HNRNPLL: variants seen among roughly 807,000 people sequenced by gnomAD.
HNRNPLL encodes the protein heterogeneous nuclear ribonucleoprotein L-like.
A neutral mutation model predicts 67.1 loss-of-function variants in HNRNPLL; 25 were observed. That is an observed-to-expected ratio of 0.37 (90% CI 0.27 to 0.52). The LOEUF is 0.52. Among genes scored for constraint, HNRNPLL ranks in the 20% least tolerant of loss-of-function variants. HNRNPLL has a pLI of 0.90. For missense variants in HNRNPLL, 542 were observed against 673.9 expected (o/e 0.80, Z 2.17); for synonymous variants, 267 against 241.7 (o/e 1.10, Z -0.97).
At chr2:38,594,410 C>T (rs1667091627) in intron 1 of HNRNPLL, among the ~76,000 whole-genome samples, 1 of 151,812 alleles carries the variant, frequency 6.6e-6, no homozygotes, top group African/African-American at 2.4e-5. Context: ...GATATTTAGG[C>T]ATGAAATGTC....
At chr2:38,589,380 T>C (rs1353298905) in intron 2 of HNRNPLL, among the ~76,000 whole-genome samples, 2 of 152,210 alleles carry the variant, frequency 1.3e-5, no homozygotes, top group Admixed American at 6.5e-5. Flanking sequence ...AGTTTCCAAA[T>C]TGTAACATTT....
intron 12 of HNRNPLL, among the ~76,000 whole-genome samples, 154 bp from the exon 13 acceptor site, chr2:38,564,391 C>T (rs112821520): frequency 3.1e-4 from 47 of 151,802 alleles, no homozygotes; most frequent in African/African-American, 1.0e-3. Flanking sequence ...TGGCCAGATG[C>T]GGTGGCTCAC....
intron 1 of HNRNPLL, among the ~76,000 whole-genome samples, chr2:38,592,089 T>C (rs1359570087): frequency 6.6e-6 from 1 of 152,216 alleles, no homozygotes; most frequent in African/African-American, 2.4e-5. Flanking sequence ...ATTCACAAGT[T>C]AGCAAAAGGA....
rs372790828 is a variant in HNRNPLL at position 38,562,163 on chromosome 2, G to C, written c.*2019C>G. ...ATGTTGCCAAGGCTAAGGAAAGAGA[G>C]AGTATTCACAAAGCAAACTTCATTA... On this transcript the variant is annotated 3_prime_UTR_variant, in exon 13 of 13. Coordinates refer to ENST00000449105, the MANE Select transcript of HNRNPLL (RefSeq NM_138394.4). The C allele has an allele frequency of 1.1e-4, 16 of 152,310 alleles. No homozygotes were observed. In the East Asian group the frequency reaches 2.3e-3, roughly 22 times the overall value. The allele number at this position is 152,310 out of a possible 1,614,324, so 9.4% of individuals were successfully genotyped here. A position where few individuals can be genotyped will look rare whatever the true frequency, so the allele number is the denominator to read the frequency against.
chr2:38,592,655 T>A (rs913159973), intron 1 of HNRNPLL, among the ~76,000 whole-genome samples: 1 of 152,242 alleles, frequency 6.6e-6, no homozygotes, highest in Non-Finnish European at 1.5e-5. Flanking sequence ...TTAAACGTAG[T>A]ATCTGTACGA....
chr2:38,578,956 G>A (rs114034076), intron 6 of HNRNPLL, among the ~76,000 whole-genome samples: 206 of 152,036 alleles, frequency 1.4e-3, no homozygotes, highest in Non-Finnish European at 2.5e-3. Flanking sequence ...GGCTTCTAAC[G>A]TCTCTCATCA....
chr2:38,594,465 A>T (rs1049686293), intron 1 of HNRNPLL, among the ~76,000 whole-genome samples: 1 of 152,188 alleles, frequency 6.6e-6, no homozygotes, highest in Non-Finnish European at 1.5e-5. Context: ...GGAAAATAGT[A>T]TAGGGGAAAA....
Position 38,577,534 on chromosome 2 carries a change from T to A in HNRNPLL, c.803-2A>T. 6.3e-7 allele frequency: 1 copy of A among 1,599,944 alleles called. No individual in the cohort carries two copies. Among genetic ancestry groups the A allele is most frequent in the Non-Finnish European group, 8.6e-7 (1 of 1,167,486 alleles). On this transcript the variant is annotated splice_acceptor_variant, in intron 6 of 12. Coordinates refer to ENST00000449105, the MANE Select transcript of HNRNPLL (RefSeq NM_138394.4). LOFTEE classifies it high-confidence loss of function. Reference sequence around the variant, plus strand: ...GTCTCTGGCGACCCTTTCCTCTATCTGACACAAAAGTAGAAACATGGTTTT... The same window carrying A: ...GTCTCTGGCGACCCTTTCCTCTATCAGACACAAAAGTAGAAACATGGTTTT...
At position 38,602,819 on chromosome 2, in the gene HNRNPLL, CG is replaced by C. The variant is rs1667508915; in HGVS notation, c.-194del. The C allele has an allele frequency of 8.4e-6, 13 of 1,545,720 alleles. No homozygotes were observed. Among genetic ancestry groups the C allele is most frequent in the Non-Finnish European group, 1.0e-5 (12 of 1,145,014 alleles). ...CGCGGACGGACTGAGGGGGGCGCCC[CG>C]GGAGGAAGCTCTGGAGCGGCCGCTC... is the stretch of plus-strand genomic sequence containing the variant. On this transcript the variant is annotated 5_prime_UTR_variant, in exon 1 of 13. Coordinates refer to ENST00000449105, the MANE Select transcript of HNRNPLL (RefSeq NM_138394.4).
intron 2 of HNRNPLL, among the ~76,000 whole-genome samples, chr2:38,590,572 GTC>G (rs1204565224): frequency 6.6e-6 from 1 of 152,204 alleles, no homozygotes; most frequent in Non-Finnish European, 1.5e-5. Context: ...ATTTTTAAGT[GTC>G]TATTTTTGGC....
intron 6 of HNRNPLL, among the ~76,000 whole-genome samples, chr2:38,578,224 G>T (rs1666374061): frequency 6.6e-6 from 1 of 151,994 alleles, no homozygotes; most frequent in African/African-American, 2.4e-5. Context: ...TACATTATTG[G>T]ATGAGAATAC....
intron 1 of HNRNPLL, among the ~76,000 whole-genome samples, chr2:38,595,554 G>C (rs1446763957): frequency 6.6e-6 from 1 of 151,940 alleles, no homozygotes; most frequent in Non-Finnish European, 1.5e-5. Flanking sequence ...TTAAAAGCTG[G>C]ACAATGTGGG....
chr2:38,572,996 T>C (rs1323070329), intron 8 of HNRNPLL, among the ~76,000 whole-genome samples: 1 of 152,072 alleles, frequency 6.6e-6, no homozygotes, highest in Admixed American at 6.6e-5. Flanking sequence ...TATTGGTTAT[T>C]TTAAAAATAT....
chr2:38,562,068 T>G lies in HNRNPLL; in HGVS notation c.*2114A>C, dbSNP rs1294497290. 6.6e-6 allele frequency: 1 copy of G among 152,192 alleles called. No homozygotes were observed. Among genetic ancestry groups the G allele is most frequent in the South Asian group, 2.1e-4 (1 of 4,832 alleles). 9.4% of individuals were successfully genotyped at this position (152,192 alleles called of 1,614,324 possible). ...TTTTTTTAAAAACTCAAAGCTAGTA[T>G]TATTTCTTTACAGTTCTTAAATCTG... On this transcript the variant is annotated 3_prime_UTR_variant, in exon 13 of 13. Transcript: ENST00000449105.
chr2:38,590,502 G>A (rs532918345), intron 2 of HNRNPLL, among the ~76,000 whole-genome samples: 26 of 152,156 alleles, frequency 1.7e-4, no homozygotes, highest in South Asian at 1.0e-3. Context: ...TAAAATCAAC[G>A]CTAGATTATC....
At chr2:38,568,329 T>C in intron 11 of HNRNPLL, 32 bp from the exon 12 acceptor site, 1 of 1,604,756 alleles carries the variant, frequency 6.2e-7, no homozygotes, top group Non-Finnish European at 8.5e-7. Flanking sequence ...TCAGTTATTA[T>C]TACTTGCTTA....
At chr2:38,579,946 C>T (rs994748565) in intron 6 of HNRNPLL, among the ~76,000 whole-genome samples, 7 of 152,192 alleles carry the variant, frequency 4.6e-5, no homozygotes, top group East Asian at 1.9e-4. Context: ...AAACGTTTTA[C>T]GTGCTTTAAT....
intron 2 of HNRNPLL, among the ~76,000 whole-genome samples, chr2:38,590,986 CAG>C (rs565923956): frequency 6.6e-6 from 1 of 152,176 alleles, no homozygotes; most frequent in Admixed American, 6.5e-5. Context: ...GCTTGGGCAA[CAG>C]AGAGAGACCC....
At chr2:38,588,420 G>T (rs564339717) in intron 2 of HNRNPLL, among the ~76,000 whole-genome samples, 2 of 151,714 alleles carry the variant, frequency 1.3e-5, no homozygotes, top group East Asian at 3.9e-4. Flanking sequence ...ACGGTGGCAG[G>T]CGCCTGTAAT....
Sources: allele counts gnomAD v4.1 joint callset (sites outside exome capture counted in the v4.1 genomes callset), GRCh38; gene constraint gnomAD v4.1.1; transcripts MANE v1.5; gene names NCBI Gene and HGNC (gene_info 2026-07-23, HGNC 2026-07-21).